The following KCNH7 variants were observed in gnomAD, a reference collection of about 807,000 sequenced individuals.
The protein encoded by KCNH7 is potassium voltage-gated channel subfamily H member 7.
KCNH7 carries 49 observed loss-of-function variants against 120.8 expected under a neutral mutation model. The ratio of observed to expected loss-of-function variants is 0.41; its 90% CI spans 0.32 to 0.51. The LOEUF is 0.51. KCNH7 is among the 20% of genes least tolerant of loss of function. The pLI is 0.38. For missense variants in KCNH7, 1,097 were observed against 1,446.6 expected (o/e 0.76, Z 3.92); for synonymous variants, 547 against 516.1 (o/e 1.06, Z -0.81).
intron 6 of KCNH7, among the ~76,000 whole-genome samples, chr2:162,460,821 T>C (rs970503779): frequency 2.0e-5 from 3 of 152,200 alleles, no homozygotes. Context: ...TTTACAGATG[T>C]GAAGACAGGC....
intron 2 of KCNH7, among the ~76,000 whole-genome samples, chr2:162,642,780 G>A (rs754318930): frequency 2.4e-4 from 37 of 152,150 alleles, no homozygotes; most frequent in African/African-American, 8.9e-4. Flanking sequence ...TCATGCAGCT[G>A]TGTTCTTGCT....
intron 2 of KCNH7, among the ~76,000 whole-genome samples, chr2:162,573,260 C>G (rs1308025133): frequency 6.6e-6 from 1 of 151,952 alleles, no homozygotes; most frequent in Non-Finnish European, 1.5e-5. Flanking sequence ...ATTACAAAAT[C>G]AAGCCATGAC....
chr2:162,440,454 AAG>A lies in KCNH7; in HGVS notation c.1555-4859_1555-4858del, dbSNP rs555325243. On this transcript the variant is annotated intron_variant, in intron 7 of 15. Transcript: ENST00000332142. Reference sequence around the variant, plus strand: ...GATTTCATTTCAGCTAATCCCCTCTAAGTTCTGGTATTTATATACATCATTCA... The same window carrying A: ...GATTTCATTTCAGCTAATCCCCTCTATTCTGGTATTTATATACATCATTCA... Among the ~76,000 whole-genome samples the A allele has an allele frequency of 6.6e-5, 10 of 152,164 alleles. No individual in the cohort carries two copies. In the South Asian group the frequency reaches 2.1e-3, roughly 32 times the overall value.
intron 2 of KCNH7, among the ~76,000 whole-genome samples, chr2:162,807,949 T>C (rs1684608099): frequency 6.6e-6 from 1 of 152,232 alleles, no homozygotes; most frequent in Non-Finnish European, 1.5e-5. Flanking sequence ...CCCAAAGTGC[T>C]GGGATTACAG....
intron 2 of KCNH7, among the ~76,000 whole-genome samples, chr2:162,800,284 AAT>A (rs1684296614): frequency 6.6e-6 from 1 of 151,832 alleles, no homozygotes; most frequent in African/African-American, 2.4e-5. Flanking sequence ...TAAATATTTA[AAT>A]AGAGACGGGA....
At chr2:162,765,824 A>G (rs1039039124) in intron 2 of KCNH7, among the ~76,000 whole-genome samples, 6 of 152,162 alleles carry the variant, frequency 3.9e-5, no homozygotes, top group African/African-American at 1.4e-4. Context: ...CAGTGGTACA[A>G]TCATAGCTCA....
intron 2 of KCNH7, among the ~76,000 whole-genome samples, chr2:162,627,339 G>T (rs764010365): frequency 6.6e-6 from 1 of 152,108 alleles, no homozygotes; most frequent in Non-Finnish European, 1.5e-5. Context: ...TCTGACCCAG[G>T]TGAACATTAA....
At chr2:162,823,968 A>G (rs1052302367) in intron 2 of KCNH7, among the ~76,000 whole-genome samples, 1 of 152,156 alleles carries the variant, frequency 6.6e-6, no homozygotes, top group Non-Finnish European at 1.5e-5. Context: ...ATTAATTTTC[A>G]TTTCTGTAGC....
intron 6 of KCNH7, among the ~76,000 whole-genome samples, chr2:162,463,351 C>G (rs556920907): frequency 6.6e-6 from 1 of 151,804 alleles, no homozygotes; most frequent in African/African-American, 2.4e-5. Context: ...CTCCTTCCTT[C>G]CCTCCCTTTC....
chr2:162,692,344 C>A (rs369803437), intron 2 of KCNH7, among the ~76,000 whole-genome samples: 2 of 152,218 alleles, frequency 1.3e-5, no homozygotes, highest in East Asian at 3.9e-4. Flanking sequence ...CCAGGATGAT[C>A]TCCTACCCAC....
chr2:162,835,118 T>G (rs1685612805), intron 2 of KCNH7, among the ~76,000 whole-genome samples: 1 of 152,100 alleles, frequency 6.6e-6, no homozygotes, highest in Non-Finnish European at 1.5e-5. Flanking sequence ...ATTAGGCTAT[T>G]TCTAGTATGC....
intron 2 of KCNH7, among the ~76,000 whole-genome samples, chr2:162,701,698 T>C (rs903723443): frequency 3.3e-5 from 5 of 152,070 alleles, no homozygotes; most frequent in African/African-American, 7.2e-5. Flanking sequence ...TTTATAAACA[T>C]TTAAGAGCAA....
At chr2:162,411,618 G>T (rs1470413707) in intron 9 of KCNH7, among the ~76,000 whole-genome samples, 1 of 151,696 alleles carries the variant, frequency 6.6e-6, no homozygotes, top group Non-Finnish European at 1.5e-5. Flanking sequence ...GTGGAAGAAA[G>T]AAAAAATTTA....
rs200422210 is a variant in KCNH7 at position 162,372,114 on chromosome 2, A to G, written c.3325-19T>C. The stretch of plus-strand genomic sequence containing the variant: ...CAGGACACTGATGGAAAAAGAACAA[A>G]ACAAGTTTTTATAATTCACATTGAT... On this transcript the variant is annotated intron_variant, in intron 15 of 15. Transcript: ENST00000332142. 25 of 1,586,180 alleles carry G rather than the reference A, an allele frequency of 1.6e-5. No individual in the cohort carries two copies. The highest frequency in any genetic ancestry group is 1.9e-5 in the Non-Finnish European group (22 of 1,161,016).
chr2:162,789,404 T>A (rs1022026126), intron 2 of KCNH7, among the ~76,000 whole-genome samples: 1 of 151,920 alleles, frequency 6.6e-6, no homozygotes, highest in Non-Finnish European at 1.5e-5. Flanking sequence ...AGCAATACAA[T>A]AATAGTAGAA....
chr2:162,392,264 G>T (rs532571874), intron 12 of KCNH7, among the ~76,000 whole-genome samples: 1 of 151,734 alleles, frequency 6.6e-6, no homozygotes, highest in South Asian at 2.1e-4. Context: ...AACTGGTGTG[G>T]TATGAATTCG....
chr2:162,510,781 T>C (rs969708305), intron 5 of KCNH7, among the ~76,000 whole-genome samples: 1 of 151,590 alleles, frequency 6.6e-6, no homozygotes, highest in Admixed American at 6.6e-5. Flanking sequence ...CACTTGGGGG[T>C]TCCTGTACCT....
chr2:162,748,062 A>G (rs1176932132), intron 2 of KCNH7, among the ~76,000 whole-genome samples: 1 of 152,218 alleles, frequency 6.6e-6, no homozygotes, highest in African/African-American at 2.4e-5. Context: ...GGAGATAAAT[A>G]AGAATATTTT....
chr2:162,622,917 C>A (rs1401739667), intron 2 of KCNH7, among the ~76,000 whole-genome samples: 3 of 152,172 alleles, frequency 2.0e-5, no homozygotes. Context: ...CTACAGATTT[C>A]TATTCTGTAA....
Sources: gnomAD v4.1 joint callset for allele counts (sites outside exome capture counted in the v4.1 genomes callset) on GRCh38, gnomAD v4.1.1 for gene constraint, MANE v1.5 for transcripts, NCBI Gene and HGNC (gene_info 2026-07-23, HGNC 2026-07-21) for gene names.